The following ROR2 variants were observed in gnomAD, a reference collection of about 807,000 sequenced individuals.
ROR2 encodes the protein tyrosine-protein kinase transmembrane receptor ROR2.
In ROR2, 33 loss-of-function variants were observed where a neutral mutation model predicts 74.9. That is an observed-to-expected ratio of 0.44 (90% CI 0.33 to 0.59). The LOEUF is 0.59. Among genes scored for constraint, ROR2 ranks in the 20% least tolerant of loss-of-function variants. The probability of loss-of-function intolerance (pLI) is 0.02; values close to 1 mark genes in which losing one functional copy is unlikely to be tolerated. For missense variants in ROR2, 1,216 were observed against 1,313.8 expected, an observed-to-expected ratio of 0.93 and a Z score of 1.15; for synonymous variants, 586 against 558.7, an observed-to-expected ratio of 1.05 and a Z score of -0.69.
intron 1 of ROR2, among the ~76,000 whole-genome samples, chr9:91,843,230 G>A (rs897406462): frequency 1.3e-5 from 2 of 152,196 alleles, no homozygotes; most frequent in African/African-American, 4.8e-5. Flanking sequence ...ACTAGAGGAT[G>A]TCCTCAACCT....
At chr9:91,736,514 G>A (rs1825030350) in intron 5 of ROR2, among the ~76,000 whole-genome samples, 1 of 152,184 alleles carries the variant, frequency 6.6e-6, no homozygotes, top group South Asian at 2.1e-4. Context: ...CCCATGGAGA[G>A]GATCCAACTA....
chr9:91,800,921 G>A (rs530617235), intron 1 of ROR2, among the ~76,000 whole-genome samples: 2 of 152,300 alleles, frequency 1.3e-5, no homozygotes, highest in South Asian at 4.1e-4. Flanking sequence ...AAAAGTGGAT[G>A]AGGAGAAAAG....
At chr9:91,848,767 A>G (rs1225290852) in intron 1 of ROR2, among the ~76,000 whole-genome samples, 2 of 81,358 alleles carry the variant, frequency 2.5e-5, no homozygotes, top group Admixed American at 3.8e-4. Context: ...GGGGGAAGAA[A>G]AAAAAAAAAA....
In ROR2 at chr9:91,723,486, GCTCT is replaced by G. The variant is rs140581955; in HGVS notation, c.*172_*175del. ...GGCTTGGGTGCTCCTAGGCAGGGCA[GCTCT>G]CTGTGTCAGAGGACAGAGAGGAGCA... is the stretch of plus-strand genomic sequence containing the variant. On this transcript the variant is annotated 3_prime_UTR_variant, in exon 9 of 9. Transcript: ENST00000375708. The G allele has an allele frequency of 0.42, 448,675 of 1,056,250 alleles. 95,333 individuals are homozygous for G. The highest frequency in any genetic ancestry group is 0.52 in the Admixed American group (21,157 of 40,662). 65.4% of individuals were successfully genotyped at this position (1,056,250 alleles called of 1,614,324 possible). A position where few individuals can be genotyped will look rare whatever the true frequency, so the allele number is the denominator to read the frequency against.
At chr9:91,873,740 T>C (rs1049747296) in intron 1 of ROR2, among the ~76,000 whole-genome samples, 1 of 152,030 alleles carries the variant, frequency 6.6e-6, no homozygotes, top group Non-Finnish European at 1.5e-5. Flanking sequence ...CCCAGCAATA[T>C]ATATAGCTGT....
intron 8 of ROR2, among the ~76,000 whole-genome samples, chr9:91,726,184 G>A (rs567013564): frequency 2.6e-5 from 4 of 152,274 alleles, no homozygotes; most frequent in Admixed American, 6.5e-5. Flanking sequence ...ACCCAAAAGT[G>A]TCAAGAAAAA....
At chr9:91,789,778 T>A (rs959684146) in intron 1 of ROR2, among the ~76,000 whole-genome samples, 1 of 151,806 alleles carries the variant, frequency 6.6e-6, no homozygotes, top group African/African-American at 2.4e-5. Context: ...AAGACACAAT[T>A]ATGACATGCA....
At chr9:91,767,910 G>C (rs1426395828) in intron 2 of ROR2, among the ~76,000 whole-genome samples, 2 of 152,200 alleles carry the variant, frequency 1.3e-5, no homozygotes, top group African/African-American at 4.8e-5. Context: ...CGCAACCCGT[G>C]AGTGTAACTT....
At chr9:91,938,126 T>C (rs565252552) in intron 1 of ROR2, among the ~76,000 whole-genome samples, 1 of 152,254 alleles carries the variant, frequency 6.6e-6, no homozygotes, top group South Asian at 2.1e-4. Context: ...CCTCATCTCC[T>C]CCAGGCTGAC....
In ROR2 at chr9:91,724,781, G is replaced by A. The variant is rs1336367383; in HGVS notation, c.1713C>T (p.His571=). 6.2e-7 allele frequency: 1 copy of A among 1,612,264 alleles called. No homozygotes were observed. Among genetic ancestry groups the A allele is most frequent in the Non-Finnish European group, 8.5e-7 (1 of 1,178,554 alleles). The change falls in exon 9 of 9, where the codon CAC becomes CAT. Residue 571 remains histidine (H), a synonymous_variant. Transcript: ENST00000375708. ...CATCATCGGTGCTGCCCACGTCCGA[G>A]TGCGGCGAGCGCATGACCAGGAATT... ...LHEFLVMRSP[H]SDVGSTDDDR... is the part of the protein sequence containing the mutation.
intron 8 of ROR2, 39 bp from the exon 9 acceptor site, chr9:91,725,146 A>G (rs1273577880): frequency 1.2e-6 from 2 of 1,610,018 alleles, no homozygotes; most frequent in Non-Finnish European, 1.7e-6. Flanking sequence ...CATCACTGTC[A>G]CCGCAGCCCT....
chr9:91,729,089 T>TAA (rs5899140), intron 7 of ROR2, among the ~76,000 whole-genome samples: 193 of 144,750 alleles, frequency 1.3e-3, no homozygotes, highest in East Asian at 5.2e-3. Flanking sequence ...CTACTCACTG[T>TAA]AAAAAAAAAA....
intron 1 of ROR2, among the ~76,000 whole-genome samples, chr9:91,811,945 C>T (rs531946777): frequency 6.6e-6 from 1 of 151,988 alleles, no homozygotes; most frequent in East Asian, 1.9e-4. Flanking sequence ...CTGGTTTGGT[C>T]TTAGTCAGGG....
At chr9:91,853,466 T>C (rs1829178484) in intron 1 of ROR2, among the ~76,000 whole-genome samples, 1 of 152,168 alleles carries the variant, frequency 6.6e-6, no homozygotes, top group Non-Finnish European at 1.5e-5. Context: ...GCAGACACAG[T>C]ACTGTGACAA....
intron 1 of ROR2, among the ~76,000 whole-genome samples, chr9:91,891,371 C>CAATT (rs1267862605): frequency 6.6e-6 from 1 of 151,878 alleles, no homozygotes; most frequent in African/African-American, 2.4e-5. Context: ...CAGGTTCAAG[C>CAATT]AATTATGCTG....
At chr9:91,901,211 CAT>C (rs892087597) in intron 1 of ROR2, among the ~76,000 whole-genome samples, 44 of 152,330 alleles carry the variant, frequency 2.9e-4, no homozygotes, top group African/African-American at 1.0e-3. Context: ...ATGTATAACA[CAT>C]AAATTATACA....
At chr9:91,732,932 CT>C (rs1837294891) in intron 6 of ROR2, among the ~76,000 whole-genome samples, 189 bp downstream of exon 6, 1 of 152,242 alleles carries the variant, frequency 6.6e-6, no homozygotes, top group Non-Finnish European at 1.5e-5. Context: ...TCCAAAGCCC[CT>C]GATCCGAGGC....
chr9:91,791,366 AC>A (rs1189490669), intron 1 of ROR2, among the ~76,000 whole-genome samples: 1 of 152,224 alleles, frequency 6.6e-6, no homozygotes, highest in African/African-American at 2.4e-5. Flanking sequence ...AGTAGGCTAA[AC>A]CTTCTAGGTT....
In ROR2 at chr9:91,724,194, G is replaced by A; in HGVS notation, c.2300C>T (p.Thr767Ile). Residue 767 changes from threonine to isoleucine, a missense_variant, in exon 9 of 9, where the codon ACC (threonine) becomes ATC (isoleucine). Transcript: ENST00000375708. ...SSAQTSGASN[T>I]TQTSSLSTSP... is the part of the protein sequence containing the mutation. ...GGTGCTCAGGGAGCTGGTCTGCGTG[G>A]TGTTGCTGGCCCCCGAGGTCTGCGC... is the stretch of plus-strand genomic sequence containing the variant. 6.2e-7 allele frequency: 1 copy of A among 1,612,974 alleles called. No individual in the cohort carries two copies. Among genetic ancestry groups the A allele is most frequent in the African/African-American group, 1.3e-5 (1 of 75,034 alleles).
Sources: gnomAD v4.1 joint callset for allele counts (sites outside exome capture counted in the v4.1 genomes callset) on GRCh38, gnomAD v4.1.1 for gene constraint, MANE v1.5 for transcripts, NCBI Gene and HGNC (gene_info 2026-07-23, HGNC 2026-07-21) for gene names.